The following MTCL1 variants were observed in gnomAD, a reference collection of about 807,000 sequenced individuals.
The protein encoded by MTCL1 is microtubule crosslinking factor 1.
A neutral mutation model predicts 141.4 loss-of-function variants in MTCL1; 79 were observed. That is an observed-to-expected ratio of 0.56 (90% CI 0.47 to 0.67). The LOEUF (loss-of-function observed/expected upper bound fraction) is 0.67. Among genes scored for constraint, MTCL1 ranks in the 30% least tolerant of loss-of-function variants. The probability of loss-of-function intolerance (pLI) is 0.00; values close to 1 mark genes in which losing one functional copy is unlikely to be tolerated. For missense variants in MTCL1, 2,177 were observed against 2,113.9 expected, an observed-to-expected ratio of 1.03 and a Z score of -0.59; for synonymous variants, 914 against 875.8, an observed-to-expected ratio of 1.04 and a Z score of -0.77.
chr18:8,727,866 C>CTCTT (rs1449020008), intron 4 of MTCL1, among the ~76,000 whole-genome samples: 4 of 150,636 alleles, frequency 2.7e-5, no homozygotes, highest in Non-Finnish European at 5.9e-5. Flanking sequence ...CTCTCTCTCT[C>CTCTT]TCTCTCTCCC....
chr18:8,762,042 T>C (rs2096435003), intron 4 of MTCL1, among the ~76,000 whole-genome samples: 1 of 152,268 alleles, frequency 6.6e-6, no homozygotes, highest in African/African-American at 2.4e-5. Flanking sequence ...TAGAATTCCA[T>C]GGTACATACT....
At chr18:8,748,207 C>T (rs916186410) in intron 4 of MTCL1, among the ~76,000 whole-genome samples, 1 of 152,128 alleles carries the variant, frequency 6.6e-6, no homozygotes, top group African/African-American at 2.4e-5. Flanking sequence ...CGGACCCCTG[C>T]CCCCATCCCT....
At chr18:8,776,670 C>T (rs1363034183) in intron 4 of MTCL1, among the ~76,000 whole-genome samples, 3 of 152,072 alleles carry the variant, frequency 2.0e-5, no homozygotes, top group Non-Finnish European at 4.4e-5. Context: ...AAACAAGGGC[C>T]GCCCTTCTCT....
upstream of MTCL1, among the ~76,000 whole-genome samples, chr18:8,716,092 A>C (rs2160913): frequency 0.22 from 34,058 of 152,172 alleles, 4,750 homozygotes; most frequent in Admixed American, 0.33. Flanking sequence ...CGAGTTCACA[A>C]CATTTTCAGT....
At chr18:8,823,169 C>T (rs368829315) in intron 14 of MTCL1, among the ~76,000 whole-genome samples, 4 of 152,170 alleles carry the variant, frequency 2.6e-5, no homozygotes, top group African/African-American at 4.8e-5. Context: ...CACCTGCAAG[C>T]GCCTACACAT....
intron 4 of MTCL1, among the ~76,000 whole-genome samples, chr18:8,728,720 CTTTTTTTTTTTTTTT>C (rs34524200): frequency 6.8e-5 from 4 of 59,038 alleles, no homozygotes; most frequent in African/African-American, 6.7e-5. Context: ...GTTGTCCATT[CTTTTTTTTTTTTTTT>C]TTTTTTTTTT....
intron 4 of MTCL1, among the ~76,000 whole-genome samples, chr18:8,751,611 A>G (rs2096371640): frequency 6.6e-6 from 1 of 152,220 alleles, no homozygotes; most frequent in Non-Finnish European, 1.5e-5. Context: ...TCCCTTCAAT[A>G]GTCAAGGAAA....
At chr18:8,778,348 C>T (rs1346659963) in intron 5 of MTCL1, among the ~76,000 whole-genome samples, 4 of 152,222 alleles carry the variant, frequency 2.6e-5, no homozygotes, top group African/African-American at 9.6e-5. Flanking sequence ...AAAATATTCT[C>T]AGCCTTTTCT....
chr18:8,744,596 CT>C (rs201265847), intron 4 of MTCL1, among the ~76,000 whole-genome samples: 1,588 of 152,206 alleles, frequency 0.01, 35 homozygotes, highest in African/African-American at 0.036. Context: ...TATCTTCTTT[CT>C]GTTTTTAATT....
At position 8,718,667 on chromosome 18, in the gene MTCL1, C is replaced by G. The variant is rs749752793; in HGVS notation, c.198+19C>G. The G allele has an allele frequency of 1.3e-5, 21 of 1,609,422 alleles. 1 individual carries two copies. In the South Asian group the frequency reaches 2.1e-4, roughly 16 times the overall value. ...CTTGAAGGTGAGTGAGGGGGTGGTG[C>G]GTGCACCTCGCAAGGCTGCTGTGGA... On this transcript the variant is annotated intron_variant, in intron 3 of 16. Coordinates refer to ENST00000359865, the Ensembl canonical transcript of MTCL1.
chr18:8,816,511 G>A (rs751313231), intron 12 of MTCL1, among the ~76,000 whole-genome samples: 10 of 152,148 alleles, frequency 6.6e-5, no homozygotes, highest in African/African-American at 1.4e-4. Flanking sequence ...GTTTGATTGC[G>A]GGGTGGGGGT....
At chr18:8,706,095 G>A in exon 1 of MTCL1, 4 of 1,206,892 alleles carry the variant, frequency 3.3e-6, no homozygotes, top group Non-Finnish European at 4.1e-6. Flanking sequence ...CCCGGGCTGG[G>A]AAGCCTCCCG....
exon 6 of MTCL1, chr18:8,784,387 G>A (rs1440441467): frequency 2.0e-6 from 3 of 1,528,050 alleles, no homozygotes; most frequent in Admixed American, 2.1e-5. Flanking sequence ...TTGAGAAGAC[G>A]TCGGGCTTCG....
intron 11 of MTCL1, chr18:8,811,007 G>T (rs2076464834): frequency 6.6e-6 from 1 of 152,082 alleles, no homozygotes; most frequent in Admixed American, 6.5e-5. Context: ...TCCCTTGTGA[G>T]CAAAAACTTC....
chr18:8,824,703 GT>G lies in MTCL1; in HGVS notation c.3194del (p.Val1065GlyfsTer12). On this transcript the variant is annotated frameshift_variant, in exon 15 of 17. Transcript: ENST00000359865. LOFTEE classifies it high-confidence loss of function. Reference sequence around the variant, plus strand: ...CCTCTTTTCTGCTTTTCCCAGGGCGGTGTCCGTGTCCTCCATGTCTGAGTTC... The same window carrying G: ...CCTCTTTTCTGCTTTTCCCAGGGCGGGTCCGTGTCCTCCATGTCTGAGTTC... 1 of 1,609,542 alleles carries G rather than the reference GT, an allele frequency of 6.2e-7. No individual in the cohort carries two copies. The highest frequency in any genetic ancestry group is 8.5e-7 in the Non-Finnish European group (1 of 1,177,532).
In MTCL1 at chr18:8,772,226, G is replaced by A. The variant is rs183886886; in HGVS notation, c.358-5607G>A. The stretch of plus-strand genomic sequence containing the variant: ...TCCCCAACCCTCAGGGGGCTTCCTG[G>A]TCTTTTTAACCAACCACATATGCAT... On this transcript the variant is annotated intron_variant, in intron 4 of 16. Transcript: ENST00000359865. 1.5e-3 allele frequency among the ~76,000 whole-genome samples: 234 copies of A among 152,302 alleles called. 2 individuals carry two copies. The highest frequency in any genetic ancestry group is 5.3e-3 in the African/African-American group (219 of 41,560).
chr18:8,812,363 A>G (rs2076517151), intron 11 of MTCL1, among the ~76,000 whole-genome samples: 1 of 152,020 alleles, frequency 6.6e-6, no homozygotes, highest in East Asian at 1.9e-4. Flanking sequence ...CTGCGTACAG[A>G]ATTGTGTCTA....
chr18:8,709,693 A>G (rs1021755359), intron 1 of MTCL1, among the ~76,000 whole-genome samples: 1 of 152,214 alleles, frequency 6.6e-6, no homozygotes, highest in Non-Finnish European at 1.5e-5. Context: ...GTTGTACAAG[A>G]CTGTGACAGT....
exon 17 of MTCL1, chr18:8,832,107 A>G (rs2144585273): frequency 3.0e-6 from 1 of 331,984 alleles, no homozygotes; most frequent in Non-Finnish European, 5.5e-6. Flanking sequence ...TTAAAAAATA[A>G]AAGTTTTAAA....
Sources: allele counts gnomAD v4.1 joint callset (sites outside exome capture counted in the v4.1 genomes callset), GRCh38; gene constraint gnomAD v4.1.1; transcripts MANE v1.5; gene names NCBI Gene and HGNC (gene_info 2026-07-23, HGNC 2026-07-21).